SLC6A6: variants seen among roughly 807,000 people sequenced by gnomAD.
SLC6A6 encodes the protein solute carrier family 6 member 6, also known as sodium- and chloride-dependent taurine transporter.
SLC6A6 carries 16 observed loss-of-function variants against 68.8 expected under a neutral mutation model. The ratio of observed to expected loss-of-function variants is 0.23; its 90% CI spans 0.16 to 0.35. The LOEUF is 0.35. Among genes scored for constraint, SLC6A6 ranks in the 10% least tolerant of loss-of-function variants. The pLI is 1.00. For missense variants in SLC6A6, 474 were observed against 802.8 expected (o/e 0.59, Z 4.95); for synonymous variants, 312 against 315.4 (o/e 0.99, Z 0.12).
intron 2 of SLC6A6, among the ~76,000 whole-genome samples, chr3:14,417,400 A>C (rs962297782): frequency 2.0e-5 from 3 of 152,208 alleles, no homozygotes; most frequent in Non-Finnish European, 2.9e-5. Flanking sequence ...AATTGCAGGC[A>C]TGATGCCCCT....
chr3:14,470,391 C>T (rs765138788), intron 9 of SLC6A6, among the ~76,000 whole-genome samples: 7 of 152,106 alleles, frequency 4.6e-5, no homozygotes, highest in African/African-American at 7.2e-5. Context: ...GCAAACAAGA[C>T]GTGGCATGGC....
chr3:14,406,658 C>T (rs1374239890), intron 1 of SLC6A6, among the ~76,000 whole-genome samples: 1 of 152,166 alleles, frequency 6.6e-6, no homozygotes. Context: ...GACAGGTCTG[C>T]GGAGTTTCCT....
In SLC6A6 at chr3:14,458,689, T is replaced by C. The variant is rs1266584162; in HGVS notation, c.732+607T>C. Among the ~76,000 whole-genome samples, 4 of 152,244 alleles carry C rather than the reference T, an allele frequency of 2.6e-5. No homozygotes were observed. The East Asian group carries it at 7.7e-4, about 29-fold the overall frequency. On this transcript the variant is annotated intron_variant, in intron 6 of 14. Transcript: ENST00000622186. ...AGGCACTGGCTTAGATTTTAGCTGCTAAATCAGATTAACTGAGTTATAACT... is the reference window on the plus strand; with the variant it reads ...AGGCACTGGCTTAGATTTTAGCTGCCAAATCAGATTAACTGAGTTATAACT...
At chr3:14,467,441 T>C (rs1038169464) in intron 7 of SLC6A6, among the ~76,000 whole-genome samples, 2 of 152,230 alleles carry the variant, frequency 1.3e-5, no homozygotes, top group Non-Finnish European at 2.9e-5. Context: ...ACTTACGGGC[T>C]TGCCATGTAA....
chr3:14,482,578 CT>C (rs1265532927), intron 14 of SLC6A6, among the ~76,000 whole-genome samples: 1 of 152,208 alleles, frequency 6.6e-6, no homozygotes, highest in Non-Finnish European at 1.5e-5. Flanking sequence ...TTGTTATTCT[CT>C]TTTAAAAATC....
Position 14,481,636 on chromosome 3 carries a change from G to T in SLC6A6, c.1552-35G>T. The T allele has an allele frequency of 7.1e-7, 1 of 1,412,386 alleles. No homozygotes were observed. Among genetic ancestry groups the T allele is most frequent in the Non-Finnish European group, 9.8e-7 (1 of 1,018,598 alleles). 87.5% of individuals were successfully genotyped at this position (1,412,386 alleles called of 1,614,324 possible). On this transcript the variant is annotated intron_variant, in intron 13 of 14. Transcript: ENST00000622186. This position sits in a 1 kb window ranked among gnomAD's most constrained non-coding sequence, Gnocchi z 4.7. ...GAAGCCCCCCACCCCCCGATGCCCA[G>T]GACCCCTCTCCTGACTGCCCCCATC...
intron 2 of SLC6A6, among the ~76,000 whole-genome samples, chr3:14,433,187 GC>G (rs961312844): frequency 6.6e-6 from 1 of 152,168 alleles, no homozygotes; most frequent in African/African-American, 2.4e-5. Flanking sequence ...GTCAGCCAGA[GC>G]TTTTGTTCCC....
At chr3:14,433,675 G>A (rs143763850) in intron 2 of SLC6A6, among the ~76,000 whole-genome samples, 2 of 151,308 alleles carry the variant, frequency 1.3e-5, no homozygotes, top group East Asian at 1.9e-4. Flanking sequence ...GTGGTGGCAG[G>A]CACCTGTAAT....
At position 14,447,761 on chromosome 3, in the gene SLC6A6, G is replaced by T; in HGVS notation, c.544G>T (p.Val182Phe). 1 of 1,614,248 alleles carries T rather than the reference G, an allele frequency of 6.2e-7. No homozygotes were observed. Among genetic ancestry groups the T allele is most frequent in the East Asian group, 2.2e-5 (1 of 44,882 alleles). ...GGACACCATGCGCAAGAACAAGAGT[G>T]TCTGGATCACCATCAGCTCCACCAA... ...MEDTMRKNKS[V>F]WITISSTNFT... The change falls in exon 5 of 15, where the codon GTC becomes TTC. Residue 182 changes from valine to phenylalanine, a missense_variant. Coordinates refer to ENST00000622186, the MANE Select transcript of SLC6A6 (RefSeq NM_003043.6).
At chr3:14,419,914 C>G (rs2124909862) in intron 2 of SLC6A6, among the ~76,000 whole-genome samples, 1 of 152,296 alleles carries the variant, frequency 6.6e-6, no homozygotes, top group South Asian at 2.1e-4. Context: ...GAGACCCTCT[C>G]TGGGCTTGTG....
intron 6 of SLC6A6, among the ~76,000 whole-genome samples, chr3:14,460,373 G>T (rs994279411): frequency 1.3e-5 from 2 of 152,000 alleles, no homozygotes; most frequent in African/African-American, 4.8e-5. Context: ...GGAGAATGGG[G>T]AGTGTTGGGA....
Position 14,489,234 on chromosome 3 carries a change from C to T in SLC6A6, c.*4227C>T, listed in dbSNP as rs1273886629. The T allele has an allele frequency of 1.3e-5, 2 of 152,404 alleles. No individual in the cohort carries two copies. The highest frequency in any genetic ancestry group is 2.9e-5 in the Non-Finnish European group (2 of 67,982). 9.4% of individuals were successfully genotyped at this position (152,404 alleles called of 1,614,324 possible). ...CTGTATTTTGCAGGGGTTTTTTTCT[C>T]TTTTGCTTTTTAGATAAATATGTAT... On this transcript the variant is annotated 3_prime_UTR_variant, in exon 15 of 15. Coordinates refer to ENST00000622186, the MANE Select transcript of SLC6A6 (RefSeq NM_003043.6).
intron 1 of SLC6A6, among the ~76,000 whole-genome samples, chr3:14,408,905 C>T (rs1259684241): frequency 6.6e-6 from 1 of 152,046 alleles, no homozygotes; most frequent in East Asian, 1.9e-4. Context: ...CTCCTGGGTT[C>T]AGGCCATTCT....
At chr3:14,447,037 AC>A (rs1299536020) in intron 4 of SLC6A6, among the ~76,000 whole-genome samples, 1 of 152,050 alleles carries the variant, frequency 6.6e-6, no homozygotes, top group African/African-American at 2.4e-5. Flanking sequence ...CATCTACCCA[AC>A]CTTCTAACCT....
At chr3:14,412,867 G>A (rs1201195881) in intron 1 of SLC6A6, among the ~76,000 whole-genome samples, 2 of 152,208 alleles carry the variant, frequency 1.3e-5, no homozygotes, top group Admixed American at 6.5e-5. Context: ...ATGAAGACCC[G>A]AGGCCCTGCT....
intron 2 of SLC6A6, among the ~76,000 whole-genome samples, chr3:14,432,213 A>G (rs1699740955): frequency 6.6e-6 from 1 of 152,168 alleles, no homozygotes; most frequent in Non-Finnish European, 1.5e-5. Flanking sequence ...GCTTAAAAGG[A>G]GAAGGTCAAG....
intron 4 of SLC6A6, 129 bp from the exon 5 acceptor site, chr3:14,447,453 G>T: frequency 1.9e-6 from 2 of 1,069,492 alleles, no homozygotes; most frequent in Non-Finnish European, 2.8e-6. Flanking sequence ...ATAAATATTT[G>T]GTGGTCACTG....
Position 14,447,828 on chromosome 3 carries a change from T to A in SLC6A6, c.599+12T>A. ...ATCGAGTTCTGGGAGTAAGGCCACC[T>A]CATTGAAGCAAGGAGGAGGACATGG... On this transcript the variant is annotated intron_variant, in intron 5 of 14. Transcript: ENST00000622186. 6.2e-7 allele frequency: 1 copy of A among 1,613,932 alleles called. No individual in the cohort carries two copies. The highest frequency in any genetic ancestry group is 1.7e-5 in the Admixed American group (1 of 60,004).
At chr3:14,407,113 C>CATCA (rs1193707830) in intron 1 of SLC6A6, among the ~76,000 whole-genome samples, 3 of 150,990 alleles carry the variant, frequency 2.0e-5, no homozygotes, top group Non-Finnish European at 4.4e-5. Flanking sequence ...GCAGTGGTGC[C>CATCA]ATCACAGTTC....
Sources: gnomAD v4.1 joint callset for allele counts (sites outside exome capture counted in the v4.1 genomes callset) on GRCh38, gnomAD v4.1.1 for gene constraint, Gnocchi (gnomAD v3.1) non-coding constraint, MANE v1.5 for transcripts, NCBI Gene and HGNC (gene_info 2026-07-23, HGNC 2026-07-21) for gene names.